Variants in ARHGAP15 observed in about 807,000 individuals in gnomAD.
The protein encoded by ARHGAP15 is rho GTPase-activating protein 15.
Under a neutral mutation model 63.7 loss-of-function variants are expected in ARHGAP15, and 51 were observed. The ratio of observed to expected loss-of-function variants is 0.80; its 90% confidence interval spans 0.64 to 1.01. The LOEUF is 1.01. ARHGAP15 is among the 50% of genes least tolerant of loss of function. The pLI, the probability that ARHGAP15 is intolerant of heterozygous loss-of-function variation, is 0.00. For missense variants in ARHGAP15, 560 were observed against 564.6 expected (o/e 0.99, Z 0.08); for synonymous variants, 191 against 193.8 (o/e 0.99, Z 0.12).
At chr2:143,186,545 C>T (rs1028395195) in intron 2 of ARHGAP15, among the ~76,000 whole-genome samples, 1 of 152,130 alleles carries the variant, frequency 6.6e-6, no homozygotes. Flanking sequence ...TTTCAAATCC[C>T]TGTCTCCAAA....
At chr2:143,549,497 C>T (rs1053845787) in intron 10 of ARHGAP15, among the ~76,000 whole-genome samples, 1 of 152,068 alleles carries the variant, frequency 6.6e-6, no homozygotes, top group African/African-American at 2.4e-5. Context: ...CAGAGAATAA[C>T]CAAACTTGGA....
chr2:143,486,814 T>C (rs1415768950), intron 8 of ARHGAP15, among the ~76,000 whole-genome samples: 1 of 152,108 alleles, frequency 6.6e-6, no homozygotes, highest in Non-Finnish European at 1.5e-5. Context: ...TTGAGGCAAA[T>C]TATGTTTCTG....
At chr2:143,231,069 C>CTTTTTTTTT (rs914904536) in intron 5 of ARHGAP15, among the ~76,000 whole-genome samples, 3,470 of 125,098 alleles carry the variant, frequency 0.028, 226 homozygotes, top group African/African-American at 0.099. Context: ...GATGTAATTC[C>CTTTTTTTTT]TTTTTTTTTT....
chr2:143,655,875 C>G (rs985675724), intron 12 of ARHGAP15, among the ~76,000 whole-genome samples: 1 of 152,024 alleles, frequency 6.6e-6, no homozygotes, highest in African/African-American at 2.4e-5. Context: ...ACTCAGCATT[C>G]GGTACGTCCA....
chr2:143,241,625 A>G (rs1693866495), intron 5 of ARHGAP15, among the ~76,000 whole-genome samples: 1 of 152,158 alleles, frequency 6.6e-6, no homozygotes, highest in South Asian at 2.1e-4. Context: ...TGGGGCTGGG[A>G]ATAAAGTCTT....
chr2:143,464,893 A>T (rs1437254042), intron 8 of ARHGAP15, among the ~76,000 whole-genome samples: 1 of 152,096 alleles, frequency 6.6e-6, no homozygotes. Context: ...AATCTTTTTC[A>T]TCTTATATAA....
At chr2:143,201,957 C>T (rs531154037) in intron 2 of ARHGAP15, among the ~76,000 whole-genome samples, 177 bp from the exon 3 acceptor site, 3 of 152,064 alleles carry the variant, frequency 2.0e-5, no homozygotes, top group Non-Finnish European at 4.4e-5. Flanking sequence ...TTGCAGCCAG[C>T]CATCTTTGAG....
intron 6 of ARHGAP15, among the ~76,000 whole-genome samples, chr2:143,387,440 T>C (rs778205416): frequency 5.9e-5 from 9 of 152,344 alleles, no homozygotes; most frequent in Admixed American, 1.3e-4. Flanking sequence ...AAAGATTAGC[T>C]GCCAATAATA....
At chr2:143,613,955 T>A (rs1307230328) in intron 11 of ARHGAP15, among the ~76,000 whole-genome samples, 2 of 152,170 alleles carry the variant, frequency 1.3e-5, no homozygotes, top group Admixed American at 6.6e-5. Flanking sequence ...ACCTTCATGC[T>A]GTACCTTCTG....
intron 6 of ARHGAP15, among the ~76,000 whole-genome samples, chr2:143,387,297 G>GA (rs1558937340): frequency 6.6e-6 from 1 of 152,142 alleles, no homozygotes; most frequent in Non-Finnish European, 1.5e-5. Context: ...ATTTTTATCT[G>GA]ATGTCCTGAT....
chr2:143,477,329 C>T (rs1034591544), intron 8 of ARHGAP15, among the ~76,000 whole-genome samples: 1 of 151,882 alleles, frequency 6.6e-6, no homozygotes, highest in Admixed American at 6.6e-5. Context: ...TGAGAAGGGT[C>T]CTTTTTATAC....
intron 6 of ARHGAP15, among the ~76,000 whole-genome samples, chr2:143,384,597 G>A (rs1423755384): frequency 6.6e-6 from 1 of 151,838 alleles, no homozygotes; most frequent in African/African-American, 2.4e-5. Context: ...TAAGTACATA[G>A]TAGGGGAATG....
chr2:143,163,257 C>T (rs143060377), intron 2 of ARHGAP15, among the ~76,000 whole-genome samples: 98 of 151,964 alleles, frequency 6.4e-4, no homozygotes, highest in African/African-American at 2.3e-3. Context: ...TGTAATGGCA[C>T]GGTAGCATCT....
chr2:143,493,545 C>T (rs1358263367), intron 9 of ARHGAP15, among the ~76,000 whole-genome samples: 2 of 152,190 alleles, frequency 1.3e-5, no homozygotes, highest in Non-Finnish European at 2.9e-5. Flanking sequence ...TCTTCCCCTA[C>T]CCAGAGTTTC....
At chr2:143,532,542 C>T (rs1415919885) in intron 10 of ARHGAP15, among the ~76,000 whole-genome samples, 3 of 152,038 alleles carry the variant, frequency 2.0e-5, no homozygotes, top group Non-Finnish European at 2.9e-5. Flanking sequence ...GGAAATGATA[C>T]ATAAAGGGGA....
intron 10 of ARHGAP15, among the ~76,000 whole-genome samples, chr2:143,534,109 A>C (rs1477169326): frequency 6.6e-6 from 1 of 152,170 alleles, no homozygotes; most frequent in South Asian, 2.1e-4. Flanking sequence ...TCGAGAGACG[A>C]GGTGGAAGTA....
At chr2:143,694,886 T>C (rs1293525360) in intron 12 of ARHGAP15, among the ~76,000 whole-genome samples, 1 of 152,210 alleles carries the variant, frequency 6.6e-6, no homozygotes, top group Non-Finnish European at 1.5e-5. Context: ...GAAAAGTGTT[T>C]CTTAATTCAC....
intron 9 of ARHGAP15, 177 bp from the exon 10 acceptor site, chr2:143,519,089 C>T (rs1029207989): frequency 6.4e-6 from 3 of 471,980 alleles, no homozygotes; most frequent in African/African-American, 2.0e-5. Flanking sequence ...GGTCCTGTTC[C>T]ATCAAGGAGG....
intron 6 of ARHGAP15, among the ~76,000 whole-genome samples, chr2:143,413,971 G>GCGCGCGCGCGCGCGCGCGCT (rs147891307): frequency 6.8e-6 from 1 of 147,640 alleles, no homozygotes; most frequent in Non-Finnish European, 1.5e-5. Context: ...GTGTGTGCGC[G>GCGCGCGCGCGCGCGCGCGCT]CTCTCTGGCA....
Sources: gnomAD v4.1 joint callset for allele counts (sites outside exome capture counted in the v4.1 genomes callset) on GRCh38, gnomAD v4.1.1 for gene constraint, MANE v1.5 for transcripts, NCBI Gene and HGNC (gene_info 2026-07-23, HGNC 2026-07-21) for gene names.